Variants in C12orf56 observed in about 807,000 individuals in gnomAD.
The protein encoded by C12orf56 is uncharacterized protein C12orf56.
C12orf56 carries 71 observed loss-of-function variants against 69.9 expected under a neutral mutation model. That is an observed-to-expected ratio of 1.02 (90% CI 0.84 to 1.24). The LOEUF is 1.24. Ranked by LOEUF, C12orf56 falls within the 50% of genes most tolerant of loss-of-function variation. The pLI is 0.00. For synonymous variants in C12orf56, 276 were observed against 274.1 expected (o/e 1.01, Z -0.07); for missense variants, 732 against 738.5 (o/e 0.99, Z 0.10).
intron 1 of C12orf56, among the ~76,000 whole-genome samples, chr12:64,354,306 G>A (rs2135952933): frequency 6.6e-6 from 1 of 152,300 alleles, no homozygotes; most frequent in Middle Eastern, 3.4e-3. Flanking sequence ...CAGGCATAAT[G>A]GTGCCCACCT....
At chr12:64,384,329 C>T (rs1364338276) in intron 1 of C12orf56, among the ~76,000 whole-genome samples, 1 of 151,958 alleles carries the variant, frequency 6.6e-6, no homozygotes, top group African/African-American at 2.4e-5. Flanking sequence ...TCATAGCATC[C>T]TAGGAATACC....
intron 5 of C12orf56, among the ~76,000 whole-genome samples, chr12:64,308,951 GAA>G (rs1158083654): frequency 6.6e-5 from 6 of 90,292 alleles, no homozygotes; most frequent in Admixed American, 2.4e-4. Context: ...AAGAAAGAAA[GAA>G]AGAAAGAAAG....
At position 64,390,690 on chromosome 12, in the gene C12orf56, C is replaced by A. The variant is rs375519472; in HGVS notation, c.-125G>T. Reference sequence around the variant, plus strand: ...CCACGCGTCGCCTCCTCTCCAGGCGCGGGGACCCGGGCCGCAACTGCAGGA... The same window carrying A: ...CCACGCGTCGCCTCCTCTCCAGGCGAGGGGACCCGGGCCGCAACTGCAGGA... On this transcript the variant is annotated 5_prime_UTR_variant, in exon 1 of 13. Transcript: ENST00000543942. The A allele has an allele frequency of 2.3e-6, 3 of 1,310,518 alleles. No individual in the cohort carries two copies. The highest frequency in any genetic ancestry group is 2.9e-6 in the Non-Finnish European group (3 of 1,018,218). 81.2% of individuals were successfully genotyped at this position (1,310,518 alleles called of 1,614,324 possible).
intron 4 of C12orf56, 64 bp downstream of exon 4, chr12:64,318,511 T>C (rs2038718405): frequency 2.9e-6 from 4 of 1,360,300 alleles, no homozygotes; most frequent in Non-Finnish European, 3.9e-6. Context: ...GGAGGAGGGC[T>C]TGTTTGCTCT....
rs549243311 is a variant in C12orf56, at chr12:64,302,519, A to G, written c.1113+1116T>C. ...TGGTTGGGAGTTCACATGCTTTACA[A>G]TTGCTCAGTAAAATGATGGCAGCTA... On this transcript the variant is annotated intron_variant, in intron 6 of 12. Transcript: ENST00000543942. Among the ~76,000 whole-genome samples, 6 of 152,282 alleles carry G rather than the reference A, an allele frequency of 3.9e-5. No homozygotes were observed. The East Asian group carries it at 1.2e-3, about 29-fold the overall frequency.
rs182022259 is a variant in C12orf56 at position 64,333,508 on chromosome 12, T to G, written c.416-2476A>C. Among the ~76,000 whole-genome samples, 28 of 152,218 alleles carry G rather than the reference T, an allele frequency of 1.8e-4. No homozygotes were observed. The East Asian group carries it at 3.9e-3, about 21-fold the overall frequency. On this transcript the variant is annotated intron_variant, in intron 2 of 12. Coordinates refer to ENST00000543942, the MANE Select transcript of C12orf56 (RefSeq NM_001170633.2). ...TTTATTTTATTTATTTTTATTTATT[T>G]TTTTATTTTTTTGAGAAGAGTCTCA...
At chr12:64,307,559 G>A (rs945978757) in intron 5 of C12orf56, among the ~76,000 whole-genome samples, 3 of 151,814 alleles carry the variant, frequency 2.0e-5, no homozygotes, top group Non-Finnish European at 4.4e-5. Context: ...TGTAGAGACA[G>A]GGTTTCACCA....
chr12:64,278,396 G>T (rs2038083304), intron 8 of C12orf56, among the ~76,000 whole-genome samples: 1 of 152,022 alleles, frequency 6.6e-6, no homozygotes, highest in African/African-American at 2.4e-5. Context: ...GGACTCAAGT[G>T]ATCCCCTGCC....
chr12:64,270,894 A>T (rs1978794), intron 11 of C12orf56, among the ~76,000 whole-genome samples, 180 bp from the exon 12 acceptor site: 1 of 152,124 alleles, frequency 6.6e-6, no homozygotes, highest in Non-Finnish European at 1.5e-5. Context: ...GAAGCTGGGC[A>T]TGGTGGCTCA....
chr12:64,384,429 AGCAAGTAGTAGG>A (rs2039760455), intron 1 of C12orf56, among the ~76,000 whole-genome samples: 2 of 152,346 alleles, frequency 1.3e-5, no homozygotes, highest in South Asian at 4.1e-4. Flanking sequence ...TAGACTGCAT[AGCAAGTAGTAGG>A]TGTTCAATAA....
At chr12:64,341,534 A>G (rs1376314225) in intron 2 of C12orf56, among the ~76,000 whole-genome samples, 3 of 152,314 alleles carry the variant, frequency 2.0e-5, no homozygotes, top group African/African-American at 7.2e-5. Context: ...TTCCATGAGC[A>G]TGAGCCCACA....
At chr12:64,336,029 G>A (rs1184760220) in intron 2 of C12orf56, among the ~76,000 whole-genome samples, 2 of 152,124 alleles carry the variant, frequency 1.3e-5, no homozygotes, top group Non-Finnish European at 2.9e-5. Context: ...ATAGATGGTC[G>A]AGTAGGTTTG....
chr12:64,381,634 C>T (rs2039720542), intron 1 of C12orf56, among the ~76,000 whole-genome samples: 1 of 152,198 alleles, frequency 6.6e-6, no homozygotes, highest in Admixed American at 6.5e-5. Context: ...ATCTCTTTCA[C>T]TGTCTCAGTT....
chr12:64,282,964 G>A (rs1180956562), intron 8 of C12orf56, among the ~76,000 whole-genome samples: 7 of 151,992 alleles, frequency 4.6e-5, no homozygotes, highest in African/African-American at 1.7e-4. Context: ...CCAACATGGT[G>A]AAACGCCATC....
At chr12:64,298,449 T>C (rs1331659848) in intron 6 of C12orf56, among the ~76,000 whole-genome samples, 1 of 152,192 alleles carries the variant, frequency 6.6e-6, no homozygotes, top group Non-Finnish European at 1.5e-5. Flanking sequence ...ATATGAAGTC[T>C]TTGCCCATGC....
intron 1 of C12orf56, among the ~76,000 whole-genome samples, chr12:64,362,134 C>A (rs1399799151): frequency 6.6e-6 from 1 of 152,102 alleles, no homozygotes; most frequent in Non-Finnish European, 1.5e-5. Flanking sequence ...TGGATCGGGA[C>A]CCCTTTCCAG....
At chr12:64,358,333 C>T (rs1389942585) in intron 1 of C12orf56, among the ~76,000 whole-genome samples, 1 of 151,634 alleles carries the variant, frequency 6.6e-6, no homozygotes, top group East Asian at 1.9e-4. Flanking sequence ...TGGCATGCGC[C>T]TGTAATCCCA....
At position 64,318,772 on chromosome 12, in the gene C12orf56, G is replaced by C. The variant is rs1401662523; in HGVS notation, c.697C>G (p.His233Asp). 1.6e-6 allele frequency: 2 copies of C among 1,276,730 alleles called. No individual in the cohort carries two copies. The highest frequency in any genetic ancestry group is 3.1e-5 in the South Asian group (2 of 65,454). The allele number at this position is 1,276,730 out of a possible 1,614,324, so 79.1% of individuals were successfully genotyped here. The change falls in exon 4 of 13, where the codon CAC becomes GAC. Residue 233 changes from histidine (H) to aspartate (D), a missense_variant. His to Asp is a moderately conservative substitution (Grantham distance 81, BLOSUM62 -1). Transcript: ENST00000543942. Reference sequence around the variant, plus strand: ...AAAGGAATTTCACTTATGGAGTTGTGATCTGGAAGTCCCTGGGGTTCTTTT... The same window carrying C: ...AAAGGAATTTCACTTATGGAGTTGTCATCTGGAAGTCCCTGGGGTTCTTTT... ...NTKEPQGLPD[H>D]NSISEIPFKC...
Position 64,338,465 on chromosome 12 carries a change from T to C in C12orf56, c.416-7433A>G, listed in dbSNP as rs2039027321. 3.4e-6 allele frequency: 3 copies of C among 892,974 alleles called. No individual in the cohort carries two copies. The Admixed American group carries it at 5.1e-5, about 15-fold the overall frequency. 55.3% of individuals were successfully genotyped at this position (892,974 alleles called of 1,614,324 possible). ...CACCGCAGACTTTACCAGAGGGAAA[T>C]CTTATTTCCTGCAACAAACAATCAT... On this transcript the variant is annotated intron_variant, in intron 2 of 12. Coordinates refer to ENST00000543942, the MANE Select transcript of C12orf56 (RefSeq NM_001170633.2).
Sources: gnomAD v4.1 joint callset for allele counts (sites outside exome capture counted in the v4.1 genomes callset) on GRCh38, gnomAD v4.1.1 for gene constraint, MANE v1.5 for transcripts, NCBI Gene and HGNC (gene_info 2026-07-23, HGNC 2026-07-21) for gene names.